The following ZNF431 variants were observed in gnomAD, a reference collection of about 807,000 sequenced individuals.
ZNF431 encodes zinc finger protein 431.
Under a neutral mutation model 57.0 loss-of-function variants are expected in ZNF431, and 34 were observed. The ratio of observed to expected loss-of-function variants is 0.60; its 90% CI spans 0.45 to 0.79. The LOEUF is 0.79. Ranked by LOEUF, ZNF431 falls within the 30% of genes least tolerant of loss-of-function variation. The pLI is 0.00. For synonymous variants in ZNF431, 207 were observed against 220.3 expected (o/e 0.94, Z 0.54); for missense variants, 607 against 667.1 (o/e 0.91, Z 0.99).
chr19:21,156,863 C>T (rs1434158840), intron 2 of ZNF431, among the ~76,000 whole-genome samples: 4 of 152,136 alleles, frequency 2.6e-5, no homozygotes, highest in African/African-American at 9.7e-5. Flanking sequence ...CAGCCTCAAC[C>T]TTCCAGGCTC....
In ZNF431 at chr19:21,157,764, A is replaced by G. The variant is rs1043154300; in HGVS notation, c.97-8571A>G. On this transcript the variant is annotated intron_variant, in intron 2 of 4. Transcript: ENST00000311048. ...TTGGCCAGGTTTCAAACCCGACCCCATGATCCGCCCGCCTCGGCCTCCCAA... is the reference window on the plus strand; with the variant it reads ...TTGGCCAGGTTTCAAACCCGACCCCGTGATCCGCCCGCCTCGGCCTCCCAA... 2.6e-5 allele frequency among the ~76,000 whole-genome samples: 4 copies of G among 151,278 alleles called. No individual in the cohort carries two copies. The East Asian group carries it at 7.8e-4, about 29-fold the overall frequency.
chr19:21,177,645 T>G (rs913747681), intron 4 of ZNF431, among the ~76,000 whole-genome samples: 1 of 152,070 alleles, frequency 6.6e-6, no homozygotes, highest in African/African-American at 2.4e-5. Flanking sequence ...AAAATTAGCC[T>G]GGCATGGTGG....
chr19:21,153,665 C>G (rs963134479), intron 2 of ZNF431, among the ~76,000 whole-genome samples: 3 of 152,168 alleles, frequency 2.0e-5, no homozygotes, highest in Non-Finnish European at 4.4e-5. Flanking sequence ...TTGCTGAGTT[C>G]TGTGAGTAGC....
At chr19:21,164,013 G>A (rs922697666) in intron 2 of ZNF431, among the ~76,000 whole-genome samples, 4 of 150,932 alleles carry the variant, frequency 2.7e-5, no homozygotes, top group African/African-American at 7.3e-5. Flanking sequence ...CCTGGGAGGC[G>A]GATGTTGCAG....
At position 21,150,318 on chromosome 19, in the gene ZNF431, T is replaced by G. The variant is rs180894241; in HGVS notation, c.96+6675T>G. On this transcript the variant is annotated intron_variant, in intron 2 of 4. Coordinates refer to ENST00000311048, the MANE Select transcript of ZNF431 (RefSeq NM_133473.4). ...CTTTTGGGCTGGATGTCCTGCCCAGTGCCACAATTCTTAGGCCTTTTCTCA... is the reference window on the plus strand; with the variant it reads ...CTTTTGGGCTGGATGTCCTGCCCAGGGCCACAATTCTTAGGCCTTTTCTCA... 55 of 433,742 alleles carry G rather than the reference T, an allele frequency of 1.3e-4. 1 individual carries two copies. Among genetic ancestry groups the G allele is most frequent in the Admixed American group, 4.9e-4 (17 of 34,420 alleles). The allele number at this position is 433,742 out of a possible 1,614,324, so 26.9% of individuals were successfully genotyped here.
chr19:21,175,227 A>G (rs1419909548), intron 4 of ZNF431, among the ~76,000 whole-genome samples: 1 of 151,650 alleles, frequency 6.6e-6, no homozygotes, highest in East Asian at 1.9e-4. Context: ...AGTTTTTTGT[A>G]CTTTTTTCTG....
At chr19:21,163,348 A>G (rs533875785) in intron 2 of ZNF431, among the ~76,000 whole-genome samples, 2 of 152,292 alleles carry the variant, frequency 1.3e-5, no homozygotes, top group African/African-American at 2.4e-5. Context: ...TGTTGTGACA[A>G]CAGAGCTGAG....
rs1971244572 is a variant in ZNF431 at position 21,182,785 on chromosome 19, A to C, written c.482A>C (p.Tyr161Ser). ...GAGTATAAGGTGCACAAAGAAGGTT[A>C]TAATGAGCTAAACCAGTGTTTGACA... ...VDEYKVHKEG[Y>S]NELNQCLTTT... Residue 161 changes from tyrosine to serine, a missense_variant, in exon 5 of 5, where the codon TAT becomes TCT. By Grantham distance (144) the Tyr-to-Ser change is moderately radical. Coordinates refer to ENST00000311048, the MANE Select transcript of ZNF431 (RefSeq NM_133473.4). 6.2e-7 allele frequency: 1 copy of C among 1,613,920 alleles called. No individual in the cohort carries two copies. The highest frequency in any genetic ancestry group is 1.1e-5 in the South Asian group (1 of 91,084).
Position 21,183,827 on chromosome 19 carries a change from A to G in ZNF431, c.1524A>G (p.Gly508=). ...CTAAACATAAGATAATTCATACAGG[A>G]GAGAAATCTTACAAATGTGAAGAAT... ...NLTKHKIIHT[G]EKSYKCEECG... The change falls in exon 5 of 5, where the codon GGA becomes GGG. Residue 508 remains glycine (G), a synonymous_variant. Coordinates refer to ENST00000311048, the MANE Select transcript of ZNF431 (RefSeq NM_133473.4). 6.2e-7 allele frequency: 1 copy of G among 1,613,982 alleles called. No individual in the cohort carries two copies. Among genetic ancestry groups the G allele is most frequent in the Non-Finnish European group, 8.5e-7 (1 of 1,179,900 alleles).
intron 2 of ZNF431, among the ~76,000 whole-genome samples, chr19:21,152,889 A>C (rs2144946490): frequency 6.6e-6 from 1 of 152,292 alleles, no homozygotes; most frequent in Non-Finnish European, 1.5e-5. Context: ...AGACCCCAAG[A>C]GAGGGTTCTT....
chr19:21,175,195 G>A (rs540388604), intron 4 of ZNF431, among the ~76,000 whole-genome samples: 1 of 152,068 alleles, frequency 6.6e-6, no homozygotes, highest in Non-Finnish European at 1.5e-5. Context: ...GGTTGCAAAT[G>A]TTTGCCATCC....
intron 4 of ZNF431, among the ~76,000 whole-genome samples, chr19:21,177,243 A>G (rs763256654): frequency 1.4e-4 from 21 of 152,328 alleles, no homozygotes; most frequent in South Asian, 4.1e-4. Flanking sequence ...AATTTTCTGC[A>G]TATGGCTAGC....
intron 3 of ZNF431, among the ~76,000 whole-genome samples, chr19:21,167,334 T>C (rs1313504491): frequency 6.7e-6 from 1 of 150,286 alleles, no homozygotes; most frequent in Non-Finnish European, 1.5e-5. Flanking sequence ...TAATTTTGTA[T>C]TTTTAGTAGA....
rs1023325474 is a variant in ZNF431 at position 21,195,994 on chromosome 19, T to G, written c.*11960T>G. ...ATGATTCGATTTATATTTTGTGTTA[T>G]CTGGTTATAAATTTTATATAGCATT... On this transcript the variant is annotated 3_prime_UTR_variant, in exon 5 of 5. Transcript: ENST00000311048. 6.6e-6 allele frequency: 1 copy of G among 152,212 alleles called. No homozygotes were observed. Among genetic ancestry groups the G allele is most frequent in the South Asian group, 2.1e-4 (1 of 4,832 alleles). The allele number at this position is 152,212 out of a possible 1,614,324, so 9.4% of individuals were successfully genotyped here.
chr19:21,159,313 AT>A (rs1191496165), intron 2 of ZNF431, among the ~76,000 whole-genome samples: 2 of 152,114 alleles, frequency 1.3e-5, no homozygotes, highest in Non-Finnish European at 2.9e-5. Context: ...TGGTATCAGA[AT>A]TCTATATAGA....
intron 2 of ZNF431, 94 bp from the exon 3 acceptor site, chr19:21,166,241 T>C (rs1054965375): frequency 6.6e-7 from 1 of 1,516,404 alleles, no homozygotes; most frequent in African/African-American, 1.4e-5. Flanking sequence ...GAATCAGTTC[T>C]CTTTACTCTC....
intron 4 of ZNF431, among the ~76,000 whole-genome samples, chr19:21,181,262 A>T (rs1222938960): frequency 6.6e-6 from 1 of 152,046 alleles, no homozygotes; most frequent in Non-Finnish European, 1.5e-5. Context: ...AGCATCTTTT[A>T]TATGTAAGGC....
Position 21,194,464 on chromosome 19 carries a change from T to C in ZNF431, c.*10430T>C, listed in dbSNP as rs906625497. 3 of 152,062 alleles carry C rather than the reference T, an allele frequency of 2.0e-5. No homozygotes were observed. The highest frequency in any genetic ancestry group is 1.9e-4 in the East Asian group (1 of 5,166). The allele number at this position is 152,062 out of a possible 1,614,324, so 9.4% of individuals were successfully genotyped here. A position where few individuals can be genotyped will look rare whatever the true frequency, so the allele number is the denominator to read the frequency against. Reference sequence around the variant, plus strand: ...ATAAGTTTTTGTTTTTTTATCAAAATGTCGATTACTTTTTTTTTTTTTTTG... The same window carrying C: ...ATAAGTTTTTGTTTTTTTATCAAAACGTCGATTACTTTTTTTTTTTTTTTG... On this transcript the variant is annotated 3_prime_UTR_variant, in exon 5 of 5. Transcript: ENST00000311048.
At chr19:21,150,277 A>G (rs571236550) in intron 2 of ZNF431, 5 of 485,198 alleles carry the variant, frequency 1.0e-5, no homozygotes, top group African/African-American at 5.9e-5. Flanking sequence ...TAGTGGGGCC[A>G]TTTCGGGTGA....
Sources: gnomAD v4.1 joint callset for allele counts (sites outside exome capture counted in the v4.1 genomes callset) on GRCh38, gnomAD v4.1.1 for gene constraint, MANE v1.5 for transcripts, NCBI Gene and HGNC (gene_info 2026-07-23, HGNC 2026-07-21) for gene names.